The following HERC1 variants were observed in gnomAD, a reference collection of about 807,000 sequenced individuals.
HERC1 encodes the protein HECT and RLD domain containing E3 ubiquitin protein ligase family member 1, also known as probable E3 ubiquitin-protein ligase HERC1.
A neutral mutation model predicts 554.3 loss-of-function variants in HERC1; 160 were observed. That is an observed-to-expected ratio of 0.29 (90% CI 0.25 to 0.33). The LOEUF (loss-of-function observed/expected upper bound fraction) is 0.33, where lower values mean the gene tolerates loss of function less well. HERC1 is among the 10% of genes least tolerant of loss of function. The probability of loss-of-function intolerance (pLI) is 1.00; values close to 1 mark genes in which losing one functional copy is unlikely to be tolerated. For missense variants in HERC1, 4,919 were observed against 5,918.5 expected, an observed-to-expected ratio of 0.83 and a Z score of 5.54; for synonymous variants, 2,175 against 2,131.7, an observed-to-expected ratio of 1.02 and a Z score of -0.56.
In HERC1 at chr15:63,669,626, C is replaced by T. The variant is rs781410783; in HGVS notation, c.8118G>A (p.Ser2706=). 7.4e-6 allele frequency: 12 copies of T among 1,613,660 alleles called. No individual in the cohort carries two copies. The highest frequency in any genetic ancestry group is 1.6e-4 in the Middle Eastern group (1 of 6,078). Residue 2706 remains serine (S), a synonymous_variant, in exon 40 of 78, where the codon TCG becomes TCA. Transcript: ENST00000443617. Reference sequence around the variant, plus strand: ...CTTCATCAGAAGGAGAGGTTGGTAACGAAGATATTGGAGGAGTCTGTGCCC... The same window carrying T: ...CTTCATCAGAAGGAGAGGTTGGTAATGAAGATATTGGAGGAGTCTGTGCCC... The part of the protein sequence containing the change: ...TRRAQTPPIS[S]LPTSPSDEVG...
chr15:63,825,135 C>T (rs1222742147), intron 1 of HERC1, among the ~76,000 whole-genome samples: 1 of 152,050 alleles, frequency 6.6e-6, no homozygotes, highest in Non-Finnish European at 1.5e-5. Context: ...TTGGCAAAAC[C>T]CCATCTCCTC....
At chr15:63,634,071 A>C in intron 66 of HERC1, 101 bp from the exon 67 acceptor site, 14 of 1,302,000 alleles carry the variant, frequency 1.1e-5, no homozygotes, top group Non-Finnish European at 1.5e-5. Flanking sequence ...AAACTTGGCT[A>C]TGTTTCCAAA....
In HERC1 at chr15:63,754,614, T is replaced by C. The variant is rs1240919025; in HGVS notation, c.1665A>G (p.Thr555=). Residue 555 remains threonine, a synonymous_variant, in exon 7 of 78, where the codon ACA becomes ACG. Transcript: ENST00000443617. ...CTACATTGCTGATGTCTTTTACTAATGTTGGAATGTTACGACTATTGCTGT... is the reference window on the plus strand; with the variant it reads ...CTACATTGCTGATGTCTTTTACTAACGTTGGAATGTTACGACTATTGCTGT... ...HGDSNSRNIP[T]LVKDISNVGE... is the part of the protein sequence containing the mutation. 3.1e-6 allele frequency: 5 copies of C among 1,613,672 alleles called. No homozygotes were observed. The highest frequency in any genetic ancestry group is 3.4e-6 in the Non-Finnish European group (4 of 1,179,704).
chr15:63,795,747 A>C (rs2076793021), intron 1 of HERC1, among the ~76,000 whole-genome samples: 1 of 152,242 alleles, frequency 6.6e-6, no homozygotes. Flanking sequence ...AGACAGGGTC[A>C]TTTATAATCT....
intron 34 of HERC1, among the ~76,000 whole-genome samples, chr15:63,682,965 A>T (rs940903167): frequency 5.9e-5 from 9 of 152,002 alleles, no homozygotes; most frequent in Non-Finnish European, 1.3e-4. Flanking sequence ...GTGAAACCTT[A>T]TATCTACTAA....
chr15:63,754,941 C>T (rs970828601), intron 6 of HERC1, among the ~76,000 whole-genome samples: 1 of 152,042 alleles, frequency 6.6e-6, no homozygotes, highest in African/African-American at 2.4e-5. Flanking sequence ...TTTTCATTAC[C>T]CACTAGATTA....
At chr15:63,743,237 TTC>T (rs1384656059) in intron 12 of HERC1, among the ~76,000 whole-genome samples, 4 of 146,850 alleles carry the variant, frequency 2.7e-5, no homozygotes, top group Non-Finnish European at 4.5e-5. Flanking sequence ...TCTGTGTATT[TTC>T]TTTTTTTTTC....
chr15:63,817,707 T>C (rs1387273111), intron 1 of HERC1, among the ~76,000 whole-genome samples: 2 of 152,126 alleles, frequency 1.3e-5, no homozygotes, highest in African/African-American at 4.8e-5. Flanking sequence ...ACAGCGAGAC[T>C]CTGTCTCAAA....
In HERC1 at chr15:63,624,229, G is replaced by A. The variant is rs1277683278; in HGVS notation, c.13374C>T (p.Arg4458=). 2.5e-6 allele frequency: 4 copies of A among 1,613,738 alleles called. No homozygotes were observed. In the African/African-American group the frequency reaches 5.3e-5, roughly 22 times the overall value. Residue 4458 remains arginine (R), a synonymous_variant, in exon 72 of 78, where the codon CGC becomes CGT. Coordinates refer to ENST00000443617, the MANE Select transcript of HERC1 (RefSeq NM_003922.4). ...CTTGAACCATGGTTTTTCCTATGGA[G>A]CGCACCATTGGCAGAGTGTAGACTC... The part of the protein sequence containing the change: ...APRVYTLPMV[R]SIGKTMVQGK...
chr15:63,650,929 T>C (rs987261779), intron 53 of HERC1, among the ~76,000 whole-genome samples: 7 of 152,190 alleles, frequency 4.6e-5, no homozygotes, highest in African/African-American at 1.7e-4. Flanking sequence ...AATAGAAATA[T>C]TTCAAGCAAT....
At chr15:63,769,534 T>A (rs2075885626) in intron 2 of HERC1, among the ~76,000 whole-genome samples, 1 of 152,048 alleles carries the variant, frequency 6.6e-6, no homozygotes, top group African/African-American at 2.4e-5. Flanking sequence ...GAAAGTTCAA[T>A]GGTCCAAAAA....
intron 65 of HERC1, among the ~76,000 whole-genome samples, chr15:63,635,580 T>C (rs2068745965): frequency 6.6e-6 from 1 of 152,220 alleles, no homozygotes; most frequent in South Asian, 2.1e-4. Flanking sequence ...TTCCAGAAAA[T>C]GCATGTTAAC....
chr15:63,739,929 C>G (rs11857749), intron 12 of HERC1, among the ~76,000 whole-genome samples: 6,195 of 148,970 alleles, frequency 0.042, 251 homozygotes, highest in African/African-American at 0.1. Flanking sequence ...TTTTTTTTTT[C>G]AGACAGAGTC....
In HERC1 at chr15:63,749,254, A is replaced by G; in HGVS notation, c.2219+113T>C. 1.2e-6 allele frequency: 1 copy of G among 812,738 alleles called. No individual in the cohort carries two copies. 50.3% of individuals were successfully genotyped at this position (812,738 alleles called of 1,614,324 possible). On this transcript the variant is annotated intron_variant, in intron 10 of 77. Transcript: ENST00000443617. This position sits in a 1 kb window ranked among gnomAD's most constrained non-coding sequence, Gnocchi z 4.1. ...AGAAAAAGCAATACTATATATGTTC[A>G]GAAGAGTATTTTATGAACAAAGCAC...
intron 1 of HERC1, among the ~76,000 whole-genome samples, chr15:63,801,109 A>C (rs2144769276): frequency 6.6e-6 from 1 of 151,528 alleles, no homozygotes; most frequent in South Asian, 2.1e-4. Flanking sequence ...AGGCATAGAA[A>C]CTCCATGCCC....
chr15:63,657,949 T>C (rs2070140539), intron 48 of HERC1, among the ~76,000 whole-genome samples: 7 of 152,206 alleles, frequency 4.6e-5, no homozygotes, highest in Admixed American at 4.6e-4. Context: ...ATCAAGTGTT[T>C]ATTTATATGT....
Position 63,616,549 on chromosome 15 carries a change from G to A in HERC1, c.13822C>T (p.Leu4608=). The part of the protein sequence containing the change: ...LHLAPLVWKQ[L]CCVPLTLEDL... ...TCTAGGGTGAGTGGGACACAGCACA[G>A]CTGCTTCCACACCAGAGGGGCCAAG... is the stretch of plus-strand genomic sequence containing the variant. The change falls in exon 75 of 78, where the codon CTG becomes TTG. Residue 4608 remains leucine (L), a synonymous_variant. Transcript: ENST00000443617. 1 of 1,614,022 alleles carries A rather than the reference G, an allele frequency of 6.2e-7. No individual in the cohort carries two copies. Among genetic ancestry groups the A allele is most frequent in the Non-Finnish European group, 8.5e-7 (1 of 1,179,892 alleles).
intron 25 of HERC1, among the ~76,000 whole-genome samples, chr15:63,705,704 C>T: frequency 6.6e-6 from 1 of 152,088 alleles, no homozygotes; most frequent in East Asian, 1.9e-4. Context: ...TTCACATTTT[C>T]ACAACCACTT....
intron 77 of HERC1, among the ~76,000 whole-genome samples, chr15:63,611,076 A>G (rs938231512): frequency 1.3e-5 from 2 of 152,184 alleles, no homozygotes; most frequent in African/African-American, 4.8e-5. Context: ...AGTGCTTGCC[A>G]GAGATAGAAG....
Sources: gnomAD v4.1 joint callset for allele counts (sites outside exome capture counted in the v4.1 genomes callset) on GRCh38, gnomAD v4.1.1 for gene constraint, Gnocchi (gnomAD v3.1) non-coding constraint, MANE v1.5 for transcripts, NCBI Gene and HGNC (gene_info 2026-07-23, HGNC 2026-07-21) for gene names.